Variants in HEATR5B observed in about 807,000 individuals in gnomAD.
HEATR5B encodes HEAT repeat containing 5B.
HEATR5B carries 156 observed loss-of-function variants against 224.1 expected under a neutral mutation model. The ratio of observed to expected loss-of-function variants is 0.70; its 90% CI spans 0.61 to 0.80. The LOEUF is 0.80. Among genes scored for constraint, HEATR5B ranks in the 30% least tolerant of loss-of-function variants. The pLI, the probability that HEATR5B is intolerant of heterozygous loss-of-function variation, is 0.00. For synonymous variants in HEATR5B, 1,027 were observed against 893.0 expected, an observed-to-expected ratio of 1.15 and a Z score of -2.68; for missense variants, 2,323 against 2,535.5, an observed-to-expected ratio of 0.92 and a Z score of 1.80.
rs1672834095 is a variant in HEATR5B, at chr2:37,084,268, C to T, written c.-23+1G>A. The T allele has an allele frequency of 2.6e-6, 1 of 391,498 alleles. No homozygotes were observed. The highest frequency in any genetic ancestry group is 1.4e-4 in the South Asian group (1 of 6,956). The allele number at this position is 391,498 out of a possible 1,614,324, so 24.3% of individuals were successfully genotyped here. ...CAACATGCATGCTTCGGCGACCTCA[C>T]CTCGTAGTCTGGAAGGGAAGATCAG... On this transcript the variant is annotated splice_donor_variant, in intron 1 of 35. Transcript: ENST00000233099. LOFTEE classifies it low-confidence loss of function (5UTR_SPLICE).
At chr2:36,988,534 C>G in intron 35 of HEATR5B, 112 bp downstream of exon 35, 1 of 875,180 alleles carries the variant, frequency 1.1e-6, no homozygotes, top group East Asian at 2.7e-5. Flanking sequence ...TGCTGGGACT[C>G]CCAAAGTGTA....
intron 29 of HEATR5B, among the ~76,000 whole-genome samples, chr2:37,006,462 A>G (rs533493237): frequency 1.3e-5 from 2 of 152,152 alleles, no homozygotes; most frequent in African/African-American, 2.4e-5. Context: ...ACCAACATGG[A>G]GAAACCCCAC....
At chr2:37,069,835 T>C (rs1048756148) in intron 7 of HEATR5B, among the ~76,000 whole-genome samples, 2 of 152,106 alleles carry the variant, frequency 1.3e-5, no homozygotes, top group African/African-American at 4.8e-5. Context: ...ATATTAAAAA[T>C]GTCTCTGTGA....
Position 37,083,333 on chromosome 2 carries a change from C to G in HEATR5B, c.82G>C (p.Glu28Gln). The change falls in exon 2 of 36, where the codon GAA (glutamate) becomes CAA (glutamine). Residue 28 changes from glutamate (E) to glutamine (Q), a missense_variant. Physicochemically the swap from Glu to Gln is conservative, Grantham distance 29. Coordinates refer to ENST00000233099, the MANE Select transcript of HEATR5B (RefSeq NM_019024.3). ...TEAKRPVFIF[E>Q]WLRFLDKVLV... Reference sequence around the variant, plus strand: ...ACTTTATCAAGAAATCGCAACCATTCAAAGATGAAAACTGGTCTTTTTGCT... The same window carrying G: ...ACTTTATCAAGAAATCGCAACCATTGAAAGATGAAAACTGGTCTTTTTGCT... 2 of 1,614,094 alleles carry G rather than the reference C, an allele frequency of 1.2e-6. No individual in the cohort carries two copies. Among genetic ancestry groups the G allele is most frequent in the Non-Finnish European group, 1.7e-6 (2 of 1,179,978 alleles).
chr2:36,997,633 C>A (rs1283126466), intron 33 of HEATR5B, among the ~76,000 whole-genome samples: 1 of 138,678 alleles, frequency 7.2e-6, no homozygotes, highest in Admixed American at 7.9e-5. Context: ...GTGGCGCGAT[C>A]TCGGCTCACT....
At chr2:37,038,765 T>C (rs1669675796) in intron 20 of HEATR5B, among the ~76,000 whole-genome samples, 1 of 144,350 alleles carries the variant, frequency 6.9e-6, no homozygotes, top group Non-Finnish European at 1.5e-5. Context: ...GCCAACATAG[T>C]GGAACCCCCG....
intron 3 of HEATR5B, 25 bp downstream of exon 3, chr2:37,079,095 G>T: frequency 7.2e-7 from 1 of 1,392,924 alleles, no homozygotes; most frequent in East Asian, 2.3e-5. Context: ...AAACTTCAAG[G>T]GCCCCTATTA....
Position 37,037,978 on chromosome 2 carries a change from A to C in HEATR5B, c.3093T>G (p.Gly1031=). 1 of 1,594,348 alleles carries C rather than the reference A, an allele frequency of 6.3e-7. No individual in the cohort carries two copies. Among genetic ancestry groups the C allele is most frequent in the Non-Finnish European group, 8.6e-7 (1 of 1,168,026 alleles). Residue 1031 remains glycine (G), a synonymous_variant, in exon 21 of 36, where the codon GGT becomes GGG. Transcript: ENST00000233099. ...CTGAATGGTCTTGTGTTATTGCACA[A>C]CCCACCAAACAAGAGGAACGAATTG... The part of the protein sequence containing the change: ...TSTIRSSCLV[G]CAITQDHSDS...
At position 37,072,095 on chromosome 2, in the gene HEATR5B, G is replaced by A. The variant is rs929911987; in HGVS notation, c.769+15C>T. The A allele has an allele frequency of 6.2e-7, 1 of 1,602,258 alleles. No homozygotes were observed. Among genetic ancestry groups the A allele is most frequent in the Non-Finnish European group, 8.5e-7 (1 of 1,172,078 alleles). ...TAGGTCTGTTATGGTCTAAATCAAGGGCAAACAACAATACCTGTTGCCTGT... is the reference window on the plus strand; with the variant it reads ...TAGGTCTGTTATGGTCTAAATCAAGAGCAAACAACAATACCTGTTGCCTGT... On this transcript the variant is annotated intron_variant, in intron 6 of 35. Coordinates refer to ENST00000233099, the MANE Select transcript of HEATR5B (RefSeq NM_019024.3).
intron 27 of HEATR5B, among the ~76,000 whole-genome samples, chr2:37,010,592 C>T (rs552543509): frequency 1.2e-4 from 18 of 151,656 alleles, no homozygotes; most frequent in Non-Finnish European, 2.6e-4. Flanking sequence ...CAGCTCACTG[C>T]AATCTCCACC....
chr2:37,034,004 G>A (rs530077234), intron 21 of HEATR5B, among the ~76,000 whole-genome samples: 2 of 152,244 alleles, frequency 1.3e-5, no homozygotes, highest in East Asian at 1.9e-4. Flanking sequence ...GATGGGGATG[G>A]AGAAGAACAC....
chr2:37,032,498 T>G, intron 22 of HEATR5B, 131 bp downstream of exon 22: 1 of 834,856 alleles, frequency 1.2e-6, no homozygotes, highest in South Asian at 2.0e-5. Context: ...TTAAAAGTGG[T>G]AATGGTTTTA....
intron 35 of HEATR5B, among the ~76,000 whole-genome samples, chr2:36,985,529 C>T (rs1665892549): frequency 1.4e-5 from 2 of 143,344 alleles, no homozygotes; most frequent in South Asian, 2.2e-4. Context: ...GTGATCTCGG[C>T]TCACTGCAAC....
chr2:37,070,964 G>A (rs577880637), intron 6 of HEATR5B, among the ~76,000 whole-genome samples: 7 of 152,232 alleles, frequency 4.6e-5, no homozygotes, highest in South Asian at 4.1e-4. Flanking sequence ...TTTCATTTCC[G>A]ACACAGAACA....
At chr2:37,035,168 A>G (rs746425735) in intron 21 of HEATR5B, among the ~76,000 whole-genome samples, 1 of 152,240 alleles carries the variant, frequency 6.6e-6, no homozygotes, top group Non-Finnish European at 1.5e-5. Flanking sequence ...GGCAAAGCCT[A>G]AGTGAAAGAA....
chr2:37,070,366 C>A lies in HEATR5B; in HGVS notation c.791G>T (p.Arg264Leu). The change falls in exon 7 of 36, where the codon CGA (arginine) becomes CTA (leucine). Residue 264 changes from arginine to leucine, a missense_variant. Transcript: ENST00000233099. ...QATVMRQNVKRATFDEVLELM... is the reference protein window; with the variant it reads ...QATVMRQNVKLATFDEVLELM... ...TTCTAAGACTTCATCAAATGTTGCT[C>A]GCTTCACATTCTGACGCATTACTTT... The A allele has an allele frequency of 6.2e-7, 1 of 1,613,734 alleles. No homozygotes were observed. Among genetic ancestry groups the A allele is most frequent in the Non-Finnish European group, 8.5e-7 (1 of 1,179,796 alleles).
intron 33 of HEATR5B, among the ~76,000 whole-genome samples, chr2:36,998,117 CCA>C (rs1666850323): frequency 2.0e-5 from 3 of 152,184 alleles, no homozygotes; most frequent in Admixed American, 2.0e-4. Context: ...TGGGCCTACT[CCA>C]CAGTTTTAGA....
intron 34 of HEATR5B, among the ~76,000 whole-genome samples, chr2:36,990,014 G>A (rs1051828047): frequency 1.4e-5 from 2 of 140,458 alleles, no homozygotes; most frequent in African/African-American, 2.7e-5. Flanking sequence ...TGATTCTCCT[G>A]CCTCAGCCTC....
At chr2:37,064,388 G>A (rs1671463433) in intron 10 of HEATR5B, among the ~76,000 whole-genome samples, 1 of 150,002 alleles carries the variant, frequency 6.7e-6, no homozygotes, top group South Asian at 2.1e-4. Flanking sequence ...CTGGGCTCAA[G>A]TGATCCTTCC....
Sources: allele counts gnomAD v4.1 joint callset (sites outside exome capture counted in the v4.1 genomes callset), GRCh38; gene constraint gnomAD v4.1.1; transcripts MANE v1.5; gene names NCBI Gene and HGNC (gene_info 2026-07-23, HGNC 2026-07-21).